CCDC92B: variants seen among roughly 807,000 people sequenced by gnomAD.
CCDC92B encodes the protein coiled-coil domain-containing 92B.
Under a neutral mutation model 5.6 loss-of-function variants are expected in CCDC92B, and 2 were observed. The observed-to-expected ratio is 0.36, with a 90% confidence interval of 0.15 to 1.12. CCDC92B has a LOEUF of 1.12. CCDC92B is among the 50% of genes most tolerant of loss of function. The pLI is 0.40. For missense variants in CCDC92B, 271 were observed against 262.2 expected, an observed-to-expected ratio of 1.03 and a Z score of -0.23; for synonymous variants, 115 against 122.3, an observed-to-expected ratio of 0.94 and a Z score of 0.39.
At chr17:2,747,142 T>C (rs1417411205) in intron 1 of CCDC92B, among the ~76,000 whole-genome samples, 1 of 152,220 alleles carries the variant, frequency 6.6e-6, no homozygotes, top group Middle Eastern at 3.2e-3. Context: ...CCCACACTTC[T>C]TGTGACCTGC....
rs1178495260 is a variant in CCDC92B at position 2,739,524 on chromosome 17, C to CA, written c.-23-4357dup. Among the ~76,000 whole-genome samples, 14 of 143,396 alleles carry CA rather than the reference C, an allele frequency of 9.8e-5. No homozygotes were observed. The East Asian group carries it at 3.0e-3, about 31-fold the overall frequency. 94.1% of individuals were successfully genotyped at this position (143,396 alleles called of 152,430 possible). ...TGAAACCCTGTCTCTACTAAAAATA[C>CA]AAAAAAAATTAGCTGGGCGTGGTGG... is the stretch of plus-strand genomic sequence containing the variant. On this transcript the variant is annotated intron_variant, in intron 1 of 3. Coordinates refer to ENST00000614400, the MANE Select transcript of CCDC92B (RefSeq NM_001355573.2).
At chr17:2,725,030 G>A (rs2070709884) in intron 3 of CCDC92B, 30 bp from the exon 4 acceptor site, 7 of 984,920 alleles carry the variant, frequency 7.1e-6, no homozygotes, top group Non-Finnish European at 7.2e-6. Context: ...AGAGGTGACG[G>A]TCTCCCCCTG....
rs1460970129 is a variant in CCDC92B, at chr17:2,724,526, C to T, written c.653G>A (p.Arg218Lys). The T allele has an allele frequency of 6.3e-5, 62 of 982,620 alleles. No individual in the cohort carries two copies. Among genetic ancestry groups the T allele is most frequent in the Non-Finnish European group, 7.2e-5 (60 of 828,924 alleles). The allele number at this position is 982,620 out of a possible 1,614,324, so 60.9% of individuals were successfully genotyped here. ...GCTGCGGGCGCTGGGCCGCAGCGGC[C>T]TGCGTGCATAGAGGAAGAGCGCGGG... ...PDPALFLYAR[R>K]PLRPSARSPR... Residue 218 changes from arginine (R) to lysine (K), a missense_variant, in exon 4 of 4, where the codon AGG becomes AAG. Arg to Lys is a conservative substitution (Grantham distance 26). Transcript: ENST00000614400. The surrounding 1 kb of genome is among the most constrained non-coding windows in gnomAD (Gnocchi z 5.0).
chr17:2,723,993 C>G lies in CCDC92B; in HGVS notation c.*418G>C. On this transcript the variant is annotated 3_prime_UTR_variant, in exon 4 of 4. Coordinates refer to ENST00000614400, the MANE Select transcript of CCDC92B (RefSeq NM_001355573.2). ...GGTGGGGGAGGCGGGGGGTGGGGAGCTAGAGGGCCTGGGGCGCCAATGCCA... is the reference window on the plus strand; with the variant it reads ...GGTGGGGGAGGCGGGGGGTGGGGAGGTAGAGGGCCTGGGGCGCCAATGCCA... The G allele has an allele frequency of 1.2e-5, 12 of 975,906 alleles. No homozygotes were observed. The highest frequency in any genetic ancestry group is 1.3e-5 in the Non-Finnish European group (11 of 821,972). The allele number at this position is 975,906 out of a possible 1,614,324, so 60.5% of individuals were successfully genotyped here. A position where few individuals can be genotyped will look rare whatever the true frequency, so the allele number is the denominator to read the frequency against.
chr17:2,724,266 G>C lies in CCDC92B; in HGVS notation c.*145C>G, dbSNP rs2070696676. 2 of 985,386 alleles carry C rather than the reference G, an allele frequency of 2.0e-6. No homozygotes were observed. Among genetic ancestry groups the C allele is most frequent in the South Asian group, 4.7e-5 (1 of 21,290 alleles). The allele number at this position is 985,386 out of a possible 1,614,324, so 61.0% of individuals were successfully genotyped here. On this transcript the variant is annotated 3_prime_UTR_variant, in exon 4 of 4. Transcript: ENST00000614400. The surrounding 1 kb of genome is among the most constrained non-coding windows in gnomAD (Gnocchi z 5.0). ...AAGTACAAAAGGCTGGCGGTTCGGG[G>C]ATTTGGGGGGAGCCGGGGCCGCCTC...
At position 2,724,681 on chromosome 17, in the gene CCDC92B, T is replaced by A; in HGVS notation, c.498A>T (p.Pro166=). 1.0e-6 allele frequency: 1 copy of A among 981,286 alleles called. No individual in the cohort carries two copies. Among genetic ancestry groups the A allele is most frequent in the South Asian group, 4.5e-5 (1 of 22,032 alleles). 60.8% of individuals were successfully genotyped at this position (981,286 alleles called of 1,614,324 possible). Residue 166 remains proline (P), a synonymous_variant, in exon 4 of 4, where the codon CCA becomes CCT. Transcript: ENST00000614400. The surrounding 1 kb of genome is among the most constrained non-coding windows in gnomAD (Gnocchi z 5.0). ...GGCGGGCTCGCAGTGCGCGGCGGCG[T>A]GGCCTGGGCTCGGCGGTGGCGCCGG... The part of the protein sequence containing the change: ...PGPGATAEPR[P]RRRALRARRP...
chr17:2,739,465 G>A lies in CCDC92B; in HGVS notation c.-23-4297C>T, dbSNP rs1234377457. On this transcript the variant is annotated intron_variant, in intron 1 of 3. Transcript: ENST00000614400. ...GGAGGCAGAGGCAGGCAGATCAGGA[G>A]GTCAGGAGATCAAGACCATCCTGGC... Among the ~76,000 whole-genome samples, 9 of 151,516 alleles carry A rather than the reference G, an allele frequency of 5.9e-5. 1 individual carries two copies. Among genetic ancestry groups the A allele is most frequent in the Admixed American group, 2.0e-4 (3 of 15,166 alleles).
At chr17:2,742,426 G>A (rs951721719) in intron 1 of CCDC92B, among the ~76,000 whole-genome samples, 1 of 152,136 alleles carries the variant, frequency 6.6e-6, no homozygotes. Flanking sequence ...AGATGATGGA[G>A]GTGAAGGCGG....
chr17:2,739,014 T>C (rs1325011900), intron 1 of CCDC92B, among the ~76,000 whole-genome samples: 1 of 151,402 alleles, frequency 6.6e-6, no homozygotes, highest in Non-Finnish European at 1.5e-5. Context: ...GAAGTTGCAG[T>C]GAGCTGAGAT....
intron 3 of CCDC92B, among the ~76,000 whole-genome samples, chr17:2,725,839 G>A (rs1473598045): frequency 6.6e-6 from 1 of 151,894 alleles, no homozygotes; most frequent in South Asian, 2.1e-4. Flanking sequence ...ATAAACAGGA[G>A]TTAAGTAGTG....
intron 1 of CCDC92B, among the ~76,000 whole-genome samples, chr17:2,737,955 C>T (rs16952351): frequency 0.028 from 4,227 of 152,096 alleles, 219 homozygotes; most frequent in Admixed American, 0.13. Flanking sequence ...GCTCTCGTAC[C>T]GCTTCACACG....
In CCDC92B at chr17:2,724,861, G is replaced by A. The variant is rs1485560579; in HGVS notation, c.318C>T (p.Arg106=). 1 of 985,056 alleles carries A rather than the reference G, an allele frequency of 1.0e-6. No homozygotes were observed. Among genetic ancestry groups the A allele is most frequent in the Admixed American group, 6.2e-5 (1 of 16,250 alleles). The allele number at this position is 985,056 out of a possible 1,614,324, so 61.0% of individuals were successfully genotyped here. A position where few individuals can be genotyped will look rare whatever the true frequency, so the allele number is the denominator to read the frequency against. ...ALVSALRCSL[R]TEERRFLEEL... ...CCTCCAGGAAGCGGCGCTCCTCGGT[G>A]CGCAGGCTGCAGCGCAGCGCGGACA... Residue 106 remains arginine, a synonymous_variant, in exon 4 of 4, where the codon CGC becomes CGT. Transcript: ENST00000614400. This position sits in a 1 kb window ranked among gnomAD's most constrained non-coding sequence, Gnocchi z 5.0.
Position 2,721,320 on chromosome 17 carries a change from G to T in CCDC92B, c.*3091C>A. 6.6e-6 allele frequency: 1 copy of T among 152,456 alleles called. No individual in the cohort carries two copies. Among genetic ancestry groups the T allele is most frequent in the Non-Finnish European group, 1.5e-5 (1 of 68,120 alleles). The allele number at this position is 152,456 out of a possible 1,614,324, so 9.4% of individuals were successfully genotyped here. On this transcript the variant is annotated 3_prime_UTR_variant, in exon 4 of 4. Coordinates refer to ENST00000614400, the MANE Select transcript of CCDC92B (RefSeq NM_001355573.2). Reference sequence around the variant, plus strand: ...TGTCCATACTTGGGGTGTGGCAGGAGCTCCGCCTAGGGACCTGAGTGTCCT... The same window carrying T: ...TGTCCATACTTGGGGTGTGGCAGGATCTCCGCCTAGGGACCTGAGTGTCCT...
At chr17:2,730,620 G>A (rs2151739161) in intron 2 of CCDC92B, 127 bp from the exon 3 acceptor site, 1 of 371,128 alleles carries the variant, frequency 2.7e-6, no homozygotes, top group East Asian at 1.7e-4. Context: ...GTGGCAATAA[G>A]GATCTTTAGA....
At chr17:2,749,288 C>G (rs1169267382) in intron 1 of CCDC92B, 123 bp downstream of exon 1, 1 of 152,228 alleles carries the variant, frequency 6.6e-6, no homozygotes, top group Non-Finnish European at 1.5e-5. Context: ...GTCCGCCTCC[C>G]GCGCGCTGCG....
chr17:2,741,112 A>G (rs1182780765), intron 1 of CCDC92B, among the ~76,000 whole-genome samples: 1 of 152,054 alleles, frequency 6.6e-6, no homozygotes, highest in Non-Finnish European at 1.5e-5. Context: ...AAGGAGGGGT[A>G]GGACTTAGAA....
In CCDC92B at chr17:2,739,499, T is replaced by G. The variant is rs540693024; in HGVS notation, c.-23-4331A>C. 3.1e-4 allele frequency among the ~76,000 whole-genome samples: 47 copies of G among 150,382 alleles called. 1 individual carries two copies. In the South Asian group the frequency reaches 9.8e-3, roughly 31 times the overall value. On this transcript the variant is annotated intron_variant, in intron 1 of 3. Transcript: ENST00000614400. ...ATCAAGACCATCCTGGCTAACACAG[T>G]GAAACCCTGTCTCTACTAAAAATAC...
chr17:2,734,551 G>A lies in CCDC92B; in HGVS notation c.130+465C>T, dbSNP rs143442285. On this transcript the variant is annotated intron_variant, in intron 2 of 3. Transcript: ENST00000614400. ...GTCATCTAGGCTGGAGTGCAGTGGCGTGATCTCAGCTCACTGCAACCTCCA... is the reference window on the plus strand; with the variant it reads ...GTCATCTAGGCTGGAGTGCAGTGGCATGATCTCAGCTCACTGCAACCTCCA... Among the ~76,000 whole-genome samples the A allele has an allele frequency of 7.9e-4, 119 of 150,000 alleles. 1 individual carries two copies. The highest frequency in any genetic ancestry group is 2.6e-3 in the African/African-American group (105 of 40,634).
chr17:2,741,796 G>C (rs900398145), intron 1 of CCDC92B, among the ~76,000 whole-genome samples: 3 of 151,256 alleles, frequency 2.0e-5, no homozygotes, highest in African/African-American at 7.3e-5. Flanking sequence ...GTTTCACCGT[G>C]TTAGCCAGGA....
Sources: allele counts gnomAD v4.1 joint callset (sites outside exome capture counted in the v4.1 genomes callset), GRCh38; gene constraint gnomAD v4.1.1; non-coding constraint Gnocchi (gnomAD v3.1); transcripts MANE v1.5; gene names NCBI Gene and HGNC (gene_info 2026-07-23, HGNC 2026-07-21).